Variants in SLIT2 observed in about 807,000 individuals in gnomAD.
The protein encoded by SLIT2 is slit homolog 2 protein.
SLIT2 carries 41 observed loss-of-function variants against 185.7 expected under a neutral mutation model. That is an observed-to-expected ratio of 0.22 (90% CI 0.17 to 0.29). SLIT2 has a LOEUF of 0.29. SLIT2 is among the 10% of genes least tolerant of loss of function. The probability of loss-of-function intolerance (pLI) is 1.00; values close to 1 mark genes in which losing one functional copy is unlikely to be tolerated. For missense variants in SLIT2, 1,571 were observed against 1,909.0 expected, an observed-to-expected ratio of 0.82 and a Z score of 3.30; for synonymous variants, 693 against 680.2, an observed-to-expected ratio of 1.02 and a Z score of -0.29.
intron 4 of SLIT2, among the ~76,000 whole-genome samples, chr4:20,434,468 CAA>C (rs1413907482): frequency 2.6e-5 from 4 of 151,988 alleles, no homozygotes; most frequent in African/African-American, 9.7e-5. Context: ...GCTTGGGCAA[CAA>C]GAGCGAAACT....
chr4:20,388,792 A>ATAT (rs57958856), intron 4 of SLIT2, among the ~76,000 whole-genome samples: 19 of 132,110 alleles, frequency 1.4e-4, no homozygotes, highest in African/African-American at 2.9e-4. Flanking sequence ...AAAAAAAAAA[A>ATAT]ATATATATAT....
intron 34 of SLIT2, among the ~76,000 whole-genome samples, chr4:20,611,559 C>G (rs1729225589): frequency 1.3e-5 from 2 of 152,216 alleles, no homozygotes; most frequent in South Asian, 2.1e-4. Flanking sequence ...GTTGACTTAT[C>G]TGATTGCTTC....
intron 4 of SLIT2, among the ~76,000 whole-genome samples, chr4:20,311,112 C>T (rs1329833145): frequency 6.6e-6 from 1 of 152,236 alleles, no homozygotes; most frequent in Non-Finnish European, 1.5e-5. Flanking sequence ...TGGTCTCAAA[C>T]TCTTGCCCTT....
At chr4:20,262,775 T>A (rs1322360874) in intron 3 of SLIT2, among the ~76,000 whole-genome samples, 1 of 151,882 alleles carries the variant, frequency 6.6e-6, no homozygotes, top group African/African-American at 2.4e-5. Context: ...TAAATTAGGT[T>A]TACTGACGCT....
At chr4:20,407,465 C>G (rs190216313) in intron 4 of SLIT2, among the ~76,000 whole-genome samples, 9 of 152,226 alleles carry the variant, frequency 5.9e-5, no homozygotes, top group African/African-American at 1.9e-4. Flanking sequence ...TGTTATTTAT[C>G]CTTGACTTAC....
intron 5 of SLIT2, among the ~76,000 whole-genome samples, chr4:20,470,143 G>A (rs1714824744): frequency 6.6e-6 from 1 of 152,072 alleles, no homozygotes; most frequent in South Asian, 2.1e-4. Flanking sequence ...TTTCGAAACA[G>A]TAAAATGCTA....
chr4:20,504,895 T>C (rs4420976), intron 9 of SLIT2, among the ~76,000 whole-genome samples: 14,867 of 152,034 alleles, frequency 0.098, 1,489 homozygotes, highest in African/African-American at 0.26. Context: ...TAATAATTGT[T>C]GTATTTTATT....
intron 33 of SLIT2, among the ~76,000 whole-genome samples, chr4:20,604,770 G>T (rs1458692002): frequency 6.6e-6 from 1 of 151,982 alleles, no homozygotes; most frequent in Non-Finnish European, 1.5e-5. Flanking sequence ...ACACCAAAAT[G>T]AGATGACCAG....
chr4:20,432,035 G>T (rs1729032833), intron 4 of SLIT2, among the ~76,000 whole-genome samples: 1 of 149,780 alleles, frequency 6.7e-6, no homozygotes, highest in South Asian at 2.1e-4. Flanking sequence ...GTGAGAGAGA[G>T]AGAGACAGAC....
At chr4:20,411,886 G>A (rs1040428332) in intron 4 of SLIT2, among the ~76,000 whole-genome samples, 1 of 152,322 alleles carries the variant, frequency 6.6e-6, no homozygotes, top group Admixed American at 6.5e-5. Context: ...GCGCAGGAAA[G>A]TGAGGAAGAG....
chr4:20,468,257 G>A (rs1157668221), intron 5 of SLIT2, among the ~76,000 whole-genome samples: 2 of 152,016 alleles, frequency 1.3e-5, no homozygotes, highest in East Asian at 3.8e-4. Flanking sequence ...TGAGAATATG[G>A]ACTATTATTT....
At chr4:20,341,179 G>A (rs1464849308) in intron 4 of SLIT2, among the ~76,000 whole-genome samples, 1 of 152,166 alleles carries the variant, frequency 6.6e-6, no homozygotes, top group Non-Finnish European at 1.5e-5. Flanking sequence ...GAAATAAAGA[G>A]CAAGGGGTCA....
chr4:20,398,325 T>C (rs890563128), intron 4 of SLIT2, among the ~76,000 whole-genome samples: 79 of 151,840 alleles, frequency 5.2e-4, no homozygotes, highest in African/African-American at 1.9e-3. Context: ...GCATTTGATT[T>C]GGCCTTACTG....
intron 4 of SLIT2, among the ~76,000 whole-genome samples, chr4:20,434,128 C>A (rs934143437): frequency 2.6e-5 from 4 of 152,090 alleles, no homozygotes; most frequent in African/African-American, 7.2e-5. Flanking sequence ...CAGGTACCGA[C>A]CCTAAAGGGT....
rs114072061 is a variant in SLIT2, at chr4:20,521,829, T to G, written c.1131-1931T>G. Among the ~76,000 whole-genome samples, 565 of 152,248 alleles carry G rather than the reference T, an allele frequency of 3.7e-3. 2 individuals carry two copies. In the Middle Eastern group the frequency reaches 0.037, roughly 10 times the overall value. ...AAAAAAAAATCAAGTAAAATGGAAATAACCCATGTTAACATAGAGATTGTT... is the reference window on the plus strand; with the variant it reads ...AAAAAAAAATCAAGTAAAATGGAAAGAACCCATGTTAACATAGAGATTGTT... On this transcript the variant is annotated intron_variant, in intron 12 of 36. Coordinates refer to ENST00000504154, the MANE Select transcript of SLIT2 (RefSeq NM_004787.4).
intron 4 of SLIT2, among the ~76,000 whole-genome samples, chr4:20,347,559 C>G (rs1721532186): frequency 6.6e-6 from 1 of 152,156 alleles, no homozygotes; most frequent in South Asian, 2.1e-4. Flanking sequence ...AAAACACCAT[C>G]AGTTCATTCT....
chr4:20,478,768 T>A (rs1477725726), intron 5 of SLIT2, among the ~76,000 whole-genome samples: 1 of 152,184 alleles, frequency 6.6e-6, no homozygotes, highest in Non-Finnish European at 1.5e-5. Context: ...TTGTACTAAT[T>A]TAAATGGCTT....
At chr4:20,462,702 C>T (rs1216988256) in intron 4 of SLIT2, among the ~76,000 whole-genome samples, 1 of 152,140 alleles carries the variant, frequency 6.6e-6, no homozygotes, top group African/African-American at 2.4e-5. Flanking sequence ...AAAAATCAAC[C>T]CCAATCAAGC....
At chr4:20,431,315 T>A (rs931143456) in intron 4 of SLIT2, among the ~76,000 whole-genome samples, 3 of 152,178 alleles carry the variant, frequency 2.0e-5, no homozygotes, top group Non-Finnish European at 4.4e-5. Context: ...GAAGGCAAGG[T>A]AGACTAGGAA....
Sources: gnomAD v4.1 joint callset for allele counts (sites outside exome capture counted in the v4.1 genomes callset) on GRCh38, gnomAD v4.1.1 for gene constraint, MANE v1.5 for transcripts, NCBI Gene and HGNC (gene_info 2026-07-23, HGNC 2026-07-21) for gene names.